The following MATK variants were observed in gnomAD, a reference collection of about 807,000 sequenced individuals.
MATK encodes megakaryocyte-associated tyrosine-protein kinase.
In MATK, 41 loss-of-function variants were observed where a neutral mutation model predicts 59.8. The observed-to-expected ratio is 0.69, with a 90% CI of 0.53 to 0.89. The LOEUF is 0.89. MATK is among the 40% of genes least tolerant of loss of function. MATK has a pLI of 0.00. For synonymous variants in MATK, 308 were observed against 306.1 expected (o/e 1.01, Z -0.06); for missense variants, 593 against 719.6 (o/e 0.82, Z 2.01).
intron 11 of MATK, 87 bp from the exon 12 acceptor site, chr19:3,779,274 G>A: frequency 6.4e-7 from 1 of 1,552,180 alleles, no homozygotes; most frequent in Non-Finnish European, 8.8e-7. Flanking sequence ...GGGGCCACAA[G>A]CTCACAAAGC....
chr19:3,788,111 TATTATATTATATTATA>T (rs1250837121), upstream of MATK, among the ~76,000 whole-genome samples: 1 of 136,076 alleles, frequency 7.3e-6, no homozygotes, highest in African/African-American at 2.7e-5. Context: ...TATTATATTA[TATTATATTATATTATA>T]TTATATTATA....
chr19:3,783,788 G>C (rs372024180), intron 6 of MATK, 26 bp downstream of exon 6: 3 of 1,599,336 alleles, frequency 1.9e-6, no homozygotes, highest in Admixed American at 1.7e-5. Flanking sequence ...CTGCAGGGAC[G>C]GGGTGGGGCC....
At position 3,783,926 on chromosome 19, in the gene MATK, A is replaced by T. The variant is rs148054130; in HGVS notation, c.470T>A (p.Val157Asp). 5 of 1,612,660 alleles carry T rather than the reference A, an allele frequency of 3.1e-6. No homozygotes were observed. The African/African-American group carries it at 5.3e-5, about 17-fold the overall frequency. The change falls in exon 6 of 14, where the codon GTC becomes GAC. Residue 157 changes from valine to aspartate, a missense_variant. Val to Asp is a radical substitution (Grantham distance 152, BLOSUM62 -3). Coordinates refer to ENST00000310132, the MANE Select transcript of MATK (RefSeq NM_139355.3). ...GTCGCGGCCAAAGCTCACGCACAGGACGTAGTCGCCGGGGTGGCGCGCGGA... is the reference window on the plus strand; with the variant it reads ...GTCGCGGCCAAAGCTCACGCACAGGTCGTAGTCGCCGGGGTGGCGCGCGGA... ...RESARHPGDY[V>D]LCVSFGRDVI...
At chr19:3,801,048 C>T (rs934332031) in intron 1 of MATK, among the ~76,000 whole-genome samples, 2 of 151,988 alleles carry the variant, frequency 1.3e-5, no homozygotes, top group Non-Finnish European at 2.9e-5. Flanking sequence ...TTAGTACAGA[C>T]GGGGTTTCGA....
In MATK at chr19:3,786,263, A is replaced by G; in HGVS notation, c.-246T>C. 1 of 985,044 alleles carries G rather than the reference A, an allele frequency of 1.0e-6. No individual in the cohort carries two copies. Among genetic ancestry groups the G allele is most frequent in the Non-Finnish European group, 1.2e-6 (1 of 829,806 alleles). The allele number at this position is 985,044 out of a possible 1,614,324, so 61.0% of individuals were successfully genotyped here. A position where few individuals can be genotyped will look rare whatever the true frequency, so the allele number is the denominator to read the frequency against. On this transcript the variant is annotated 5_prime_UTR_variant, in exon 1 of 14. Coordinates refer to ENST00000310132, the MANE Select transcript of MATK (RefSeq NM_139355.3). The surrounding 1 kb of genome is among the most constrained non-coding windows in gnomAD (Gnocchi z 4.1). ...CACCCCGAGGCGGTCCCGGCTGCAC[A>G]ACTTGGAGCGAGTTGCTCCGTTTCC...
rs754202301 is a variant in MATK at position 3,785,161 on chromosome 19, G to A, written c.-26C>T. ...CGCCCCCAGAGGGAAACTGAGGCAG[G>A]TGAGAGGCACACTGAGCAAGTGGTC... On this transcript the variant is annotated 5_prime_UTR_variant, in exon 2 of 14. Transcript: ENST00000310132. 1.2e-6 allele frequency: 2 copies of A among 1,613,868 alleles called. No homozygotes were observed. The highest frequency in any genetic ancestry group is 1.7e-6 in the Non-Finnish European group (2 of 1,179,930).
chr19:3,785,271 T>C lies in MATK; in HGVS notation c.-136A>G. ...GAGCTGGGTGCCACTGGACCGAGCC[T>C]GGTTCTTCCTGTTTTCTGGTTGGTA... On this transcript the variant is annotated 5_prime_UTR_variant, in exon 2 of 14. Coordinates refer to ENST00000310132, the MANE Select transcript of MATK (RefSeq NM_139355.3). 2 of 1,516,712 alleles carry C rather than the reference T, an allele frequency of 1.3e-6. No homozygotes were observed. Among genetic ancestry groups the C allele is most frequent in the East Asian group, 2.4e-5 (1 of 40,986 alleles). The allele number at this position is 1,516,712 out of a possible 1,614,324, so 94.0% of individuals were successfully genotyped here. A position where few individuals can be genotyped will look rare whatever the true frequency, so the allele number is the denominator to read the frequency against.
chr19:3,798,944 T>C (rs1212331661), intron 1 of MATK, among the ~76,000 whole-genome samples: 1 of 151,724 alleles, frequency 6.6e-6, no homozygotes, highest in African/African-American at 2.4e-5. Flanking sequence ...TAGCTGGGAC[T>C]ATAGGCATGC....
chr19:3,786,432 T>G, upstream of MATK: 15 of 923,818 alleles, frequency 1.6e-5, no homozygotes, highest in African/African-American at 1.8e-5. The surrounding 1 kb of genome is among the most constrained non-coding windows in gnomAD (Gnocchi z 4.1). Context: ...CCGCCCCGCC[T>G]CCGCGGCCCC....
rs533611820 is a variant in MATK, at chr19:3,784,463, G to T, written c.133-12C>A. 8 of 1,570,936 alleles carry T rather than the reference G, an allele frequency of 5.1e-6. No homozygotes were observed. The Admixed American group carries it at 1.2e-4, about 24-fold the overall frequency. On this transcript the variant is annotated splice_polypyrimidine_tract_variant and intron_variant, in intron 3 of 13. Coordinates refer to ENST00000310132, the MANE Select transcript of MATK (RefSeq NM_139355.3). ...GGGGCCCAGCGCCTCTGCAGAGGGG[G>T]CCGGGAGAGGGGCAAAGGGAGGACA...
intron 1 of MATK, among the ~76,000 whole-genome samples, chr19:3,799,599 GGAGGCT>G (rs1226006479): frequency 2.0e-5 from 3 of 152,146 alleles, no homozygotes; most frequent in African/African-American, 7.2e-5. Context: ...CAGCACTTTG[GGAGGCT>G]GAGGCAGGTG....
upstream of MATK, among the ~76,000 whole-genome samples, chr19:3,790,319 C>A (rs1277083423): frequency 6.6e-6 from 1 of 152,210 alleles, no homozygotes; most frequent in Non-Finnish European, 1.5e-5. Flanking sequence ...CCACCCTCCA[C>A]CTCTCATCCT....
chr19:3,779,309 C>T, intron 11 of MATK, 69 bp downstream of exon 11: 4 of 1,589,868 alleles, frequency 2.5e-6, no homozygotes, highest in Non-Finnish European at 3.4e-6. Context: ...CCTCAGTTTC[C>T]CCTTGATGGA....
At chr19:3,789,198 A>T, upstream of MATK, 1 of 709,236 alleles carries the variant, frequency 1.4e-6, no homozygotes. Flanking sequence ...GCAAACCACC[A>T]TCACTTGCCT....
chr19:3,792,492 G>A (rs2037552146), intron 1 of MATK, among the ~76,000 whole-genome samples: 1 of 147,902 alleles, frequency 6.8e-6, no homozygotes, highest in Non-Finnish European at 1.5e-5. Flanking sequence ...GCCTTTTTCA[G>A]CACATGAATT....
intron 8 of MATK, among the ~76,000 whole-genome samples, chr19:3,781,164 G>A (rs11671452): frequency 0.16 from 24,318 of 152,138 alleles, 2,392 homozygotes; most frequent in Admixed American, 0.3. Context: ...CATATTGTCT[G>A]TGGTCGCTTT....
At chr19:3,794,699 C>T (rs931221018) in intron 1 of MATK, among the ~76,000 whole-genome samples, 1 of 152,104 alleles carries the variant, frequency 6.6e-6, no homozygotes, top group Admixed American at 6.6e-5. Context: ...AGGAGATACA[C>T]ATTATTCCGG....
chr19:3,793,261 A>G (rs1054087934), intron 1 of MATK: 2 of 152,248 alleles, frequency 1.3e-5, no homozygotes, highest in Non-Finnish European at 2.9e-5. Flanking sequence ...GGTCTGTGTC[A>G]CATCCGGCCT....
intron 3 of MATK, 96 bp from the exon 4 acceptor site, chr19:3,784,547 T>C: frequency 1.2e-6 from 1 of 818,986 alleles, no homozygotes; most frequent in Non-Finnish European, 1.9e-6. Context: ...GGGAGAAAGG[T>C]ATAGAGATTG....
Sources: gnomAD v4.1 joint callset for allele counts (sites outside exome capture counted in the v4.1 genomes callset) on GRCh38, gnomAD v4.1.1 for gene constraint, Gnocchi (gnomAD v3.1) non-coding constraint, MANE v1.5 for transcripts, NCBI Gene and HGNC (gene_info 2026-07-23, HGNC 2026-07-21) for gene names.